FBXL17: variants seen among roughly 807,000 people sequenced by gnomAD.
FBXL17 encodes the protein F-box and leucine rich repeat protein 17.
Under a neutral mutation model 66.2 loss-of-function variants are expected in FBXL17, and 22 were observed. That is an observed-to-expected ratio of 0.33 (90% CI 0.24 to 0.47). The LOEUF (loss-of-function observed/expected upper bound fraction) is 0.47, where lower values mean the gene tolerates loss of function less well. Ranked by LOEUF, FBXL17 falls within the 20% of genes least tolerant of loss-of-function variation. The probability of loss-of-function intolerance (pLI) is 1.00; values close to 1 mark genes in which losing one functional copy is unlikely to be tolerated. For missense variants in FBXL17, 878 were observed against 948.2 expected (o/e 0.93, Z 0.97); for synonymous variants, 474 against 400.5 (o/e 1.18, Z -2.19).
intron 4 of FBXL17, among the ~76,000 whole-genome samples, chr5:108,306,402 T>C (rs1561519325): frequency 6.6e-6 from 1 of 152,088 alleles, no homozygotes; most frequent in South Asian, 2.1e-4. Flanking sequence ...CAGATAGTAG[T>C]AGTTAAGAAT....
intron 4 of FBXL17, among the ~76,000 whole-genome samples, chr5:108,294,625 CTCTT>C (rs1386885786): frequency 6.6e-6 from 1 of 152,090 alleles, no homozygotes; most frequent in Non-Finnish European, 1.5e-5. Context: ...AACTCTCTCT[CTCTT>C]CTCTTGACAT....
At position 108,361,136 on chromosome 5, in the gene FBXL17, A is replaced by T. The variant is rs138680883; in HGVS notation, c.1374+3602T>A. On this transcript the variant is annotated intron_variant, in intron 3 of 8. Coordinates refer to ENST00000542267, the MANE Select transcript of FBXL17 (RefSeq NM_001163315.3). ...TTTATTCTTTTTTGTTTTAATGGGT[A>T]ATACTTTTTTCTTTGCATGCCTTGT... is the stretch of plus-strand genomic sequence containing the variant. Among the ~76,000 whole-genome samples the T allele has an allele frequency of 4.5e-3, 690 of 152,210 alleles. 9 individuals carry two copies. Among genetic ancestry groups the T allele is most frequent in the African/African-American group, 0.016 (670 of 41,542 alleles).
intron 5 of FBXL17, among the ~76,000 whole-genome samples, chr5:108,191,705 C>T (rs1190288697): frequency 2.6e-5 from 4 of 152,132 alleles, no homozygotes; most frequent in Non-Finnish European, 4.4e-5. Flanking sequence ...TGCATCCAGG[C>T]CTACTCCTCA....
intron 3 of FBXL17, among the ~76,000 whole-genome samples, chr5:108,363,406 T>G (rs969020880): frequency 6.6e-6 from 1 of 151,980 alleles, no homozygotes; most frequent in Non-Finnish European, 1.5e-5. Context: ...AATGAGATCC[T>G]ATGTAATTAC....
chr5:108,163,774 T>C (rs1752310611), intron 6 of FBXL17, among the ~76,000 whole-genome samples: 1 of 152,224 alleles, frequency 6.6e-6, no homozygotes, highest in Non-Finnish European at 1.5e-5. Context: ...TAGCATTACA[T>C]GCAAACTTCT....
intron 6 of FBXL17, among the ~76,000 whole-genome samples, chr5:108,040,742 G>T (rs1461064453): frequency 1.3e-5 from 2 of 152,134 alleles, no homozygotes; most frequent in East Asian, 3.9e-4. Context: ...ATTGCCAAAT[G>T]ATATGCAGGA....
chr5:107,949,951 C>T (rs911588579), intron 7 of FBXL17, among the ~76,000 whole-genome samples: 4 of 152,292 alleles, frequency 2.6e-5, no homozygotes, highest in Admixed American at 6.5e-5. Flanking sequence ...TGAATGCCCC[C>T]CACCTCGTAA....
At chr5:108,053,729 A>G (rs888497105) in intron 6 of FBXL17, among the ~76,000 whole-genome samples, 11 of 152,210 alleles carry the variant, frequency 7.2e-5, no homozygotes, top group African/African-American at 2.4e-4. Context: ...TAGAACCAGA[A>G]ATACCATTTG....
At chr5:107,878,193 G>A in intron 8 of FBXL17, 6 of 933,688 alleles carry the variant, frequency 6.4e-6, no homozygotes, top group Non-Finnish European at 7.7e-6. Context: ...AAATTTAGGT[G>A]AGGAAAAAGC....
chr5:107,933,918 T>C (rs1310755202), intron 7 of FBXL17, among the ~76,000 whole-genome samples: 3 of 152,046 alleles, frequency 2.0e-5, no homozygotes, highest in Non-Finnish European at 2.9e-5. Flanking sequence ...CAAACATGAA[T>C]TATATAAAAG....
chr5:108,229,537 C>T (rs896616193), intron 4 of FBXL17, among the ~76,000 whole-genome samples: 4 of 152,136 alleles, frequency 2.6e-5, no homozygotes, highest in Non-Finnish European at 5.9e-5. Context: ...AAACTGGATC[C>T]TCATCTCTCA....
intron 6 of FBXL17, among the ~76,000 whole-genome samples, chr5:108,047,889 C>T (rs1747317958): frequency 6.6e-6 from 1 of 152,186 alleles, no homozygotes; most frequent in Non-Finnish European, 1.5e-5. Flanking sequence ...ATCCAAGCAG[C>T]CCAGACAAAT....
At chr5:107,868,909 A>AGTGG (rs60544240) in intron 8 of FBXL17, among the ~76,000 whole-genome samples, 1 of 151,790 alleles carries the variant, frequency 6.6e-6, no homozygotes, top group Non-Finnish European at 1.5e-5. Flanking sequence ...ACAACTCATC[A>AGTGG]TTTGTAAGCT....
intron 4 of FBXL17, among the ~76,000 whole-genome samples, chr5:108,341,694 G>C (rs1448751300): frequency 6.6e-6 from 1 of 151,936 alleles, no homozygotes; most frequent in East Asian, 1.9e-4. Flanking sequence ...TTAACAACCT[G>C]GTCCTTTCTT....
At chr5:108,076,808 G>A (rs765869962) in intron 6 of FBXL17, among the ~76,000 whole-genome samples, 3 of 152,154 alleles carry the variant, frequency 2.0e-5, no homozygotes, top group Non-Finnish European at 4.4e-5. Context: ...TTCCCTCTGA[G>A]GGAGGCTTCA....
intron 7 of FBXL17, among the ~76,000 whole-genome samples, chr5:107,976,186 A>C (rs555348562): frequency 6.6e-6 from 1 of 152,270 alleles, no homozygotes; most frequent in East Asian, 1.9e-4. Context: ...TACTGGTTAT[A>C]AGAAGTATAA....
At chr5:107,997,134 G>A (rs1046474747) in intron 7 of FBXL17, among the ~76,000 whole-genome samples, 10 of 152,114 alleles carry the variant, frequency 6.6e-5, no homozygotes, top group Non-Finnish European at 1.3e-4. Context: ...GCAGTACATC[G>A]TAGCGGAAAG....
intron 4 of FBXL17, among the ~76,000 whole-genome samples, chr5:108,284,378 A>G (rs1757815780): frequency 6.6e-6 from 1 of 151,988 alleles, no homozygotes; most frequent in Non-Finnish European, 1.5e-5. Flanking sequence ...GTCACAAAAA[A>G]GAATAAAATG....
chr5:108,224,064 G>A lies in FBXL17; in HGVS notation c.1614+57C>T, dbSNP rs1451583955. ...TATTCAAGTAAATTAAACAATTTAG[G>A]GCTCATCACCTGTATGATACTCAAA... On this transcript the variant is annotated intron_variant, in intron 5 of 8. Transcript: ENST00000542267. 11 of 796,600 alleles carry A rather than the reference G, an allele frequency of 1.4e-5. 1 individual carries two copies. In the South Asian group the frequency reaches 1.6e-4, roughly 12 times the overall value. 49.3% of individuals were successfully genotyped at this position (796,600 alleles called of 1,614,324 possible). A position where few individuals can be genotyped will look rare whatever the true frequency, so the allele number is the denominator to read the frequency against.
Sources: allele counts gnomAD v4.1 joint callset (sites outside exome capture counted in the v4.1 genomes callset), GRCh38; gene constraint gnomAD v4.1.1; transcripts MANE v1.5; gene names NCBI Gene and HGNC (gene_info 2026-07-23, HGNC 2026-07-21).